The following DNAAF11 variants were observed in gnomAD, a reference collection of about 807,000 sequenced individuals.
DNAAF11 encodes leucine rich repeat containing 6.
In DNAAF11, 45 loss-of-function variants were observed where a neutral mutation model predicts 60.8. The observed-to-expected ratio is 0.74, with a 90% CI of 0.58 to 0.95. The LOEUF (loss-of-function observed/expected upper bound fraction) is 0.95, where lower values mean the gene tolerates loss of function less well. Ranked by LOEUF, DNAAF11 falls within the 40% of genes least tolerant of loss-of-function variation. DNAAF11 has a pLI of 0.00. For synonymous variants in DNAAF11, 191 were observed against 183.5 expected (o/e 1.04, Z -0.33); for missense variants, 546 against 546.2 (o/e 1.00, Z 0.00).
At chr8:132,615,139 G>C in intron 7 of DNAAF11, 42 bp from the exon 8 acceptor site, 1 of 1,212,828 alleles carries the variant, frequency 8.2e-7, no homozygotes, top group Non-Finnish European at 1.2e-6. Context: ...GATGTCTTTA[G>C]GATACTGTAT....
intron 9 of DNAAF11, 104 bp downstream of exon 9, chr8:132,611,190 G>T: frequency 1.3e-6 from 1 of 776,662 alleles, no homozygotes; most frequent in Non-Finnish European, 2.1e-6. Context: ...CACTGCGCCC[G>T]GGCCCTTTTT....
At chr8:132,688,728 A>G in the DNAAF11 span, among the ~76,000 whole-genome samples, 1 of 152,198 alleles carries the variant, frequency 6.6e-6, no homozygotes, top group Non-Finnish European at 1.5e-5. Context: ...CCCTGAGGAC[A>G]TGGTGTGCAC....
At chr8:132,578,439 T>TCTA in intron 11 of DNAAF11, 1 of 1,520,906 alleles carries the variant, frequency 6.6e-7, no homozygotes, top group Non-Finnish European at 8.7e-7. Flanking sequence ...GTCAGAGGCC[T>TCTA]CTAGGACGGA....
intron 10 of DNAAF11, among the ~76,000 whole-genome samples, chr8:132,602,997 C>T (rs114680596): frequency 7.1e-4 from 108 of 152,112 alleles, no homozygotes; most frequent in African/African-American, 2.4e-3. Context: ...GGTTACAATC[C>T]TTCAGAATCA....
intron 10 of DNAAF11, among the ~76,000 whole-genome samples, chr8:132,591,163 C>T (rs1031368514): frequency 5.3e-5 from 8 of 152,074 alleles, no homozygotes; most frequent in Admixed American, 1.3e-4. Context: ...TAATTTTATT[C>T]CCAAAAAGAT....
chr8:132,633,724 A>T (rs10096285), intron 4 of DNAAF11, among the ~76,000 whole-genome samples: 11,928 of 152,164 alleles, frequency 0.078, 735 homozygotes, highest in East Asian at 0.3. Flanking sequence ...TAAGGACCAC[A>T]GAGGTCCTTA....
intron 7 of DNAAF11, among the ~76,000 whole-genome samples, chr8:132,616,498 C>T (rs1004887535): frequency 6.6e-5 from 10 of 152,058 alleles, no homozygotes; most frequent in East Asian, 3.9e-4. Context: ...GTTCATAGGA[C>T]GCACTGATAA....
rs561900880 is a variant in DNAAF11 at position 132,600,768 on chromosome 8, T to G, written c.1140+9398A>C. ...CCCTTCCTTACACCTTAACAAAAAT[T>G]AATTCAAGATGGATTAAAGACTTAA... On this transcript the variant is annotated intron_variant, in intron 10 of 11. Transcript: ENST00000620350. 2.0e-5 allele frequency among the ~76,000 whole-genome samples: 3 copies of G among 152,128 alleles called. No individual in the cohort carries two copies. The East Asian group carries it at 5.8e-4, about 29-fold the overall frequency.
intron 7 of DNAAF11, among the ~76,000 whole-genome samples, chr8:132,622,253 A>G (rs1378865769): frequency 1.3e-5 from 2 of 152,204 alleles, no homozygotes; most frequent in East Asian, 1.9e-4. Flanking sequence ...GTACATCAGT[A>G]TTCTCAAGCA....
intron 11 of DNAAF11, chr8:132,578,545 T>C (rs776410971): frequency 1.5e-6 from 2 of 1,335,762 alleles, no homozygotes; most frequent in South Asian, 1.3e-5. Context: ...AGATTTAACA[T>C]CATGGAAGTA....
the DNAAF11 span, among the ~76,000 whole-genome samples, chr8:132,698,973 A>T: frequency 1.9e-4 from 29 of 149,628 alleles, no homozygotes; most frequent in South Asian, 4.2e-4. Flanking sequence ...CACACACACA[A>T]AAAAAATTAG....
intron 3 of DNAAF11, among the ~76,000 whole-genome samples, chr8:132,656,392 A>G (rs568045309): frequency 6.6e-6 from 1 of 152,338 alleles, no homozygotes; most frequent in Admixed American, 6.5e-5. Flanking sequence ...GAATTTTTAT[A>G]AGAAGAATAA....
At chr8:132,611,430 A>G in intron 8 of DNAAF11, 67 bp from the exon 9 acceptor site, 1 of 896,278 alleles carries the variant, frequency 1.1e-6, no homozygotes, top group Non-Finnish European at 1.8e-6. Context: ...GTGCAAATAT[A>G]AATTCACACT....
chr8:132,631,593 T>A (rs1023677027), intron 5 of DNAAF11, among the ~76,000 whole-genome samples: 3 of 152,180 alleles, frequency 2.0e-5, no homozygotes, highest in East Asian at 1.9e-4. Flanking sequence ...ATTAAAAATA[T>A]GGATGGGATC....
In DNAAF11 at chr8:132,597,561, A is replaced by G. The variant is rs556524504; in HGVS notation, c.1140+12605T>C. 1.6e-4 allele frequency among the ~76,000 whole-genome samples: 24 copies of G among 152,322 alleles called. No homozygotes were observed. The South Asian group carries it at 5.0e-3, about 32-fold the overall frequency. Reference sequence around the variant, plus strand: ...CAATAGATTTCATTATTTAAGTGACATTTGTTTATTTCACTTCCAGGAAAC... The same window carrying G: ...CAATAGATTTCATTATTTAAGTGACGTTTGTTTATTTCACTTCCAGGAAAC... On this transcript the variant is annotated intron_variant, in intron 10 of 11. Coordinates refer to ENST00000620350, the MANE Select transcript of DNAAF11 (RefSeq NM_012472.6).
Position 132,625,387 on chromosome 8 carries a change from C to G in DNAAF11, c.721G>C (p.Asp241His). ...DTEEHNTKKLDNSEDDLEFWN... is the reference protein window; with the variant it reads ...DTEEHNTKKLHNSEDDLEFWN... ...AATTCCAAGTCATCTTCACTGTTGTCTAATTTCTTTGTGTTGTGTTCCTCT... is the reference window on the plus strand; with the variant it reads ...AATTCCAAGTCATCTTCACTGTTGTGTAATTTCTTTGTGTTGTGTTCCTCT... The change falls in exon 6 of 12, where the codon GAC becomes CAC. Residue 241 changes from aspartate to histidine, a missense_variant. By Grantham distance (81) the Asp-to-His change is moderately conservative. Coordinates refer to ENST00000620350, the MANE Select transcript of DNAAF11 (RefSeq NM_012472.6). 3.1e-6 allele frequency: 5 copies of G among 1,613,460 alleles called. No homozygotes were observed. Among genetic ancestry groups the G allele is most frequent in the Non-Finnish European group, 3.4e-6 (4 of 1,179,638 alleles).
intron 11 of DNAAF11, among the ~76,000 whole-genome samples, chr8:132,581,801 T>C (rs143384602): frequency 6.6e-6 from 1 of 152,308 alleles, no homozygotes; most frequent in East Asian, 1.9e-4. Context: ...TAATAGCACT[T>C]ATCTGCAGTG....
At chr8:132,690,358 T>C in the DNAAF11 span, among the ~76,000 whole-genome samples, 1 of 152,110 alleles carries the variant, frequency 6.6e-6, no homozygotes, top group Non-Finnish European at 1.5e-5. Context: ...TTGGAAGTTC[T>C]TCACTCTTCT....
Position 132,615,711 on chromosome 8 carries a change from C to T in DNAAF11, c.915-614G>A, listed in dbSNP as rs563250420. Among the ~76,000 whole-genome samples the T allele has an allele frequency of 6.6e-5, 10 of 152,260 alleles. No individual in the cohort carries two copies. The East Asian group carries it at 1.7e-3, about 26-fold the overall frequency. On this transcript the variant is annotated intron_variant, in intron 7 of 11. Transcript: ENST00000620350. ...CTTTCTCTGCACGAGCCTGGCTAGG[C>T]AGGATTTCAAAGCTCCACCATCTTT...
Sources: allele counts gnomAD v4.1 joint callset (sites outside exome capture counted in the v4.1 genomes callset), GRCh38; gene constraint gnomAD v4.1.1; transcripts MANE v1.5; gene names NCBI Gene and HGNC (gene_info 2026-07-23, HGNC 2026-07-21).